The following ARID5B variants were observed in gnomAD, a reference collection of about 807,000 sequenced individuals.
The protein encoded by ARID5B is AT-rich interaction domain 5B.
In ARID5B, 13 loss-of-function variants were observed where a neutral mutation model predicts 97.2. That is an observed-to-expected ratio of 0.13 (90% CI 0.09 to 0.21). ARID5B has a LOEUF of 0.21. Ranked by LOEUF, ARID5B falls within the 10% of genes least tolerant of loss-of-function variation. The probability of loss-of-function intolerance (pLI) is 1.00; values close to 1 mark genes in which losing one functional copy is unlikely to be tolerated. For synonymous variants in ARID5B, 556 were observed against 570.3 expected, an observed-to-expected ratio of 0.97 and a Z score of 0.36; for missense variants, 1,210 against 1,465.3, an observed-to-expected ratio of 0.83 and a Z score of 2.84.
intron 3 of ARID5B, among the ~76,000 whole-genome samples, chr10:61,946,253 T>C (rs1222268150): frequency 3.9e-5 from 6 of 151,998 alleles, no homozygotes; most frequent in African/African-American, 1.4e-4. Context: ...CAGATCACTT[T>C]TGAGTTTGAT....
chr10:61,938,755 T>C (rs1844347579), intron 2 of ARID5B, among the ~76,000 whole-genome samples: 1 of 152,162 alleles, frequency 6.6e-6, no homozygotes, highest in Non-Finnish European at 1.5e-5. Flanking sequence ...ATTCCATTAC[T>C]AAAGTTTTAC....
intron 3 of ARID5B, among the ~76,000 whole-genome samples, chr10:61,969,674 A>C (rs945711346): frequency 1.3e-5 from 2 of 152,152 alleles, no homozygotes; most frequent in Non-Finnish European, 2.9e-5. Flanking sequence ...CATGAGTGTG[A>C]AAGAGGCTTC....
chr10:62,091,629 G>A lies in ARID5B; in HGVS notation c.2166G>A (p.Leu722=), dbSNP rs750077184. 12 of 1,613,972 alleles carry A rather than the reference G, an allele frequency of 7.4e-6. 1 individual carries two copies. In the South Asian group the frequency reaches 1.1e-4, roughly 15 times the overall value. ...SPPPLISKKK[L]IARDDLCSSL... ...CCCCTTTGATCAGCAAAAAGAAACT[G>A]ATTGCTAGGGATGACTTGTGTTCCA... The change falls in exon 10 of 10, where the codon CTG becomes CTA. Residue 722 remains leucine (L), a synonymous_variant. Transcript: ENST00000279873.
chr10:62,085,675 C>T (rs377691296), intron 8 of ARID5B, 27 bp from the exon 9 acceptor site: 19 of 1,569,968 alleles, frequency 1.2e-5, no homozygotes, highest in Admixed American at 9.5e-5. Context: ...CTCAACTGAC[C>T]GATCATCTCT....
intron 8 of ARID5B, among the ~76,000 whole-genome samples, chr10:62,080,413 A>T (rs2132969422): frequency 6.6e-6 from 1 of 152,242 alleles, no homozygotes; most frequent in East Asian, 1.9e-4. Flanking sequence ...ACATTTGTGT[A>T]TTTGGCTGTT....
chr10:62,000,255 C>G lies in ARID5B; in HGVS notation c.667C>G (p.Leu223Val). ...AGTGGTCAGCAGGAACCCTCAGATC[C>G]TGTACTGTCGGGACACCTTTGACCA... is the stretch of plus-strand genomic sequence containing the variant. ...IAVVSRNPQI[L>V]YCRDTFDHPT... The change falls in exon 4 of 10, where the codon CTG becomes GTG. Residue 223 changes from leucine to valine, a missense_variant. This residue lies in a region of ARID5B where 132 missense variants were observed against 156.7 expected (regional missense o/e 0.84). Transcript: ENST00000279873. The surrounding 1 kb of genome is among the most constrained non-coding windows in gnomAD (Gnocchi z 4.4). The G allele has an allele frequency of 6.2e-7, 1 of 1,613,748 alleles. No individual in the cohort carries two copies. The highest frequency in any genetic ancestry group is 1.1e-5 in the South Asian group (1 of 91,058).
intron 2 of ARID5B, among the ~76,000 whole-genome samples, chr10:61,904,043 C>T (rs2132749727): frequency 6.7e-6 from 1 of 149,956 alleles, no homozygotes; most frequent in Non-Finnish European, 1.5e-5. Flanking sequence ...CAAGGTCTGG[C>T]TCGGCCCCCT....
chr10:61,906,409 C>T (rs1186043840), intron 2 of ARID5B, among the ~76,000 whole-genome samples: 1 of 152,218 alleles, frequency 6.6e-6, no homozygotes, highest in Non-Finnish European at 1.5e-5. Context: ...GTAATTGGTT[C>T]TGTTACTGGA....
chr10:62,067,373 A>G (rs184710454), intron 7 of ARID5B, among the ~76,000 whole-genome samples: 35 of 152,346 alleles, frequency 2.3e-4, no homozygotes, highest in South Asian at 4.1e-4. Flanking sequence ...GTGAGCCACC[A>G]TGCCCGGCCA....
intron 3 of ARID5B, among the ~76,000 whole-genome samples, chr10:61,982,963 G>A (rs981146226): frequency 2.6e-5 from 4 of 152,206 alleles, no homozygotes; most frequent in Non-Finnish European, 4.4e-5. Flanking sequence ...TAAATAACCA[G>A]ATTGATTTGC....
At chr10:62,052,208 T>C (rs10821950) in intron 5 of ARID5B, among the ~76,000 whole-genome samples, 68,870 of 152,036 alleles carry the variant, frequency 0.45, 16,204 homozygotes, top group Non-Finnish European at 0.54. Flanking sequence ...TATTGTTGTT[T>C]TGCACATTTA....
chr10:62,057,096 GGT>G lies in ARID5B; in HGVS notation c.847-20_847-19del. On this transcript the variant is annotated intron_variant, in intron 5 of 9. Coordinates refer to ENST00000279873, the MANE Select transcript of ARID5B (RefSeq NM_032199.3). ...CCTGGGGCTGTGCCTCGTCTGATGT[GGT>G]ATATTTTCCCTTTTCCAGGTGAAAT... is the stretch of plus-strand genomic sequence containing the variant. The G allele has an allele frequency of 6.2e-7, 1 of 1,611,896 alleles. No homozygotes were observed. The highest frequency in any genetic ancestry group is 8.5e-7 in the Non-Finnish European group (1 of 1,178,584).
At chr10:61,963,320 A>C (rs1838498485) in intron 3 of ARID5B, among the ~76,000 whole-genome samples, 1 of 152,054 alleles carries the variant, frequency 6.6e-6, no homozygotes, top group Non-Finnish European at 1.5e-5. Flanking sequence ...CTCCTGTTTT[A>C]GATTCTAAAA....
In ARID5B at chr10:62,069,671, G is replaced by C. The variant is rs761712239; in HGVS notation, c.1102-29G>C. ...GCACTATGAATCTCTTATGATGTAAGATTGAATTTCCCATTGCCATTTTTT... is the reference window on the plus strand; with the variant it reads ...GCACTATGAATCTCTTATGATGTAACATTGAATTTCCCATTGCCATTTTTT... On this transcript the variant is annotated intron_variant, in intron 7 of 9. Transcript: ENST00000279873. 3 of 1,586,702 alleles carry C rather than the reference G, an allele frequency of 1.9e-6. No individual in the cohort carries two copies. The African/African-American group carries it at 4.0e-5, about 21-fold the overall frequency.
intron 3 of ARID5B, among the ~76,000 whole-genome samples, chr10:61,990,006 G>T (rs540525650): frequency 6.6e-6 from 1 of 152,324 alleles, no homozygotes; most frequent in South Asian, 2.1e-4. Context: ...ATGCATTAGG[G>T]AGTGGAGTAG....
In ARID5B at chr10:62,087,298, C is replaced by CAAAAAAAAAAAAAAAAA. The variant is rs71299289; in HGVS notation, c.1398+1402_1398+1418dup. ...TGGGTGACAGAGAGAGACTCTATCT[C>CAAAAAAAAAAAAAAAAA]AAAAAAAAAAAAAAAAAAAAGGAAA... On this transcript the variant is annotated intron_variant, in intron 9 of 9. Transcript: ENST00000279873. Among the ~76,000 whole-genome samples the CAAAAAAAAAAAAAAAAA allele has an allele frequency of 1.5e-3, 63 of 40,918 alleles. 5 individuals carry two copies. In the Admixed American group the frequency reaches 0.018, roughly 12 times the overall value. The allele number at this position is 40,918 out of a possible 152,430, so 26.8% of individuals were successfully genotyped here.
intron 3 of ARID5B, among the ~76,000 whole-genome samples, chr10:61,970,960 G>T (rs1838618216): frequency 7.2e-6 from 1 of 138,076 alleles, no homozygotes; most frequent in Admixed American, 7.2e-5. Context: ...AGGGGTATTA[G>T]TTTGCTTTTA....
At chr10:62,030,645 G>A (rs980152807) in intron 4 of ARID5B, among the ~76,000 whole-genome samples, 1 of 152,156 alleles carries the variant, frequency 6.6e-6, no homozygotes, top group African/African-American at 2.4e-5. Context: ...CCAGCAACCC[G>A]TAGTGGCCTT....
At chr10:61,947,753 C>T (rs1838259171) in intron 3 of ARID5B, among the ~76,000 whole-genome samples, 1 of 152,152 alleles carries the variant, frequency 6.6e-6, no homozygotes, top group South Asian at 2.1e-4. Context: ...TTTATGCTGT[C>T]TACACTCAGC....
Sources: gnomAD v4.1 joint callset for allele counts (sites outside exome capture counted in the v4.1 genomes callset) on GRCh38, gnomAD v4.1.1 for gene constraint, gnomAD v4.1.1 regional missense constraint, Gnocchi (gnomAD v3.1) non-coding constraint, MANE v1.5 for transcripts, NCBI Gene and HGNC (gene_info 2026-07-23, HGNC 2026-07-21) for gene names.